Variants in ASTN2 observed in about 807,000 individuals in gnomAD.
ASTN2 encodes the protein astrotactin-2.
ASTN2 carries 54 observed loss-of-function variants against 139.8 expected under a neutral mutation model. The observed-to-expected ratio is 0.39, with a 90% confidence interval of 0.31 to 0.48. The LOEUF is 0.48. Ranked by LOEUF, ASTN2 falls within the 20% of genes least tolerant of loss-of-function variation. ASTN2 has a pLI of 0.95. For missense variants in ASTN2, 1,565 were observed against 1,725.1 expected (o/e 0.91, Z 1.64); for synonymous variants, 756 against 719.5 (o/e 1.05, Z -0.81).
At chr9:116,544,125 C>T (rs971548326) in intron 19 of ASTN2, among the ~76,000 whole-genome samples, 19 of 152,172 alleles carry the variant, frequency 1.2e-4, no homozygotes, top group African/African-American at 4.6e-4. Context: ...ACACTCAAAA[C>T]TCTCCAAGGG....
At chr9:116,823,618 C>T (rs1056688716) in intron 11 of ASTN2, among the ~76,000 whole-genome samples, 1 of 152,240 alleles carries the variant, frequency 6.6e-6, no homozygotes, top group African/African-American at 2.4e-5. Flanking sequence ...TTGGTGTTCT[C>T]TGTCCACTAC....
intron 2 of ASTN2, among the ~76,000 whole-genome samples, chr9:117,265,671 C>T (rs1833924437): frequency 1.3e-5 from 2 of 152,206 alleles, no homozygotes; most frequent in African/African-American, 4.8e-5. Flanking sequence ...GAAATAATTA[C>T]AGCTACTAGC....
intron 3 of ASTN2, among the ~76,000 whole-genome samples, chr9:117,146,972 C>A (rs1435262546): frequency 6.6e-6 from 1 of 152,114 alleles, no homozygotes; most frequent in Non-Finnish European, 1.5e-5. Flanking sequence ...CTAATTTGAT[C>A]ATTGCACATT....
intron 3 of ASTN2, among the ~76,000 whole-genome samples, chr9:117,203,550 T>G (rs1305141470): frequency 6.6e-6 from 1 of 152,130 alleles, no homozygotes; most frequent in Non-Finnish European, 1.5e-5. Flanking sequence ...TTGTTGTTGT[T>G]GTGGATGATG....
chr9:117,354,769 C>T (rs1452030342), intron 1 of ASTN2, among the ~76,000 whole-genome samples: 2 of 152,130 alleles, frequency 1.3e-5, no homozygotes, highest in African/African-American at 4.8e-5. Context: ...ATAGTCTTCC[C>T]AACATCTCTT....
chr9:117,123,124 G>T (rs887220180), intron 4 of ASTN2, among the ~76,000 whole-genome samples: 1 of 152,042 alleles, frequency 6.6e-6, no homozygotes, highest in South Asian at 2.1e-4. Context: ...TTAAAACACA[G>T]ATCATCAGGC....
intron 1 of ASTN2, among the ~76,000 whole-genome samples, chr9:117,380,513 G>T (rs540443552): frequency 1.7e-4 from 25 of 151,426 alleles, no homozygotes; most frequent in African/African-American, 5.3e-4. Flanking sequence ...GCTGAGGCAG[G>T]AGAATCACTT....
intron 10 of ASTN2, among the ~76,000 whole-genome samples, chr9:116,948,180 C>G (rs1229548530): frequency 1.3e-5 from 2 of 152,156 alleles, no homozygotes; most frequent in African/African-American, 4.8e-5. Flanking sequence ...AAGATGTTGT[C>G]TGCCAGTCTT....
chr9:116,633,278 C>A lies in ASTN2; in HGVS notation c.3073-12835G>T, dbSNP rs969945763. Among the ~76,000 whole-genome samples, 11 of 152,206 alleles carry A rather than the reference C, an allele frequency of 7.2e-5. No individual in the cohort carries two copies. In the East Asian group the frequency reaches 2.1e-3, roughly 29 times the overall value. On this transcript the variant is annotated intron_variant, in intron 17 of 22. Coordinates refer to ENST00000313400, the MANE Select transcript of ASTN2 (RefSeq NM_001365068.1). ...CTTCCCAAGGCATCTTGCTCTGTGACCTTGAATTGTCAAGGGTTTGTTAAT... is the reference window on the plus strand; with the variant it reads ...CTTCCCAAGGCATCTTGCTCTGTGAACTTGAATTGTCAAGGGTTTGTTAAT...
At chr9:117,095,959 A>T in intron 5 of ASTN2, 85 bp downstream of exon 5, 1 of 1,272,574 alleles carries the variant, frequency 7.9e-7, no homozygotes, top group South Asian at 1.3e-5. Context: ...GAGAAGATTT[A>T]GGATTTGCTA....
rs140059042 is a variant in ASTN2, at chr9:116,698,940, C to A, written c.2806+26831G>T. 1 of 1,614,168 alleles carries A rather than the reference C, an allele frequency of 6.2e-7. No homozygotes were observed. Among genetic ancestry groups the A allele is most frequent in the Admixed American group, 1.7e-5 (1 of 60,030 alleles). ...TAACTATCGTATACAAGTCTTTACC[C>A]GCAAAGGCTTTTTGAAGGAAATCCG... On this transcript the variant is annotated intron_variant, in intron 16 of 22. Transcript: ENST00000313400. This position sits in a 1 kb window ranked among gnomAD's most constrained non-coding sequence, Gnocchi z 4.4.
intron 19 of ASTN2, among the ~76,000 whole-genome samples, chr9:116,538,214 G>A (rs534832318): frequency 2.1e-4 from 32 of 151,796 alleles, no homozygotes; most frequent in South Asian, 6.3e-4. Flanking sequence ...AAGGGAAAGA[G>A]GGAAGAAGGG....
intron 16 of ASTN2, among the ~76,000 whole-genome samples, chr9:116,722,038 C>A (rs1828486197): frequency 6.6e-6 from 1 of 152,140 alleles, no homozygotes; most frequent in Admixed American, 6.5e-5. Flanking sequence ...TCAGAATTGG[C>A]ACATGAAAGC....
At chr9:116,795,902 G>A (rs1016549821) in intron 13 of ASTN2, among the ~76,000 whole-genome samples, 2 of 152,188 alleles carry the variant, frequency 1.3e-5, no homozygotes, top group Non-Finnish European at 2.9e-5. Context: ...TGAGATTACT[G>A]AAGTTAAGAA....
chr9:116,848,655 T>A (rs1385541804), intron 11 of ASTN2, among the ~76,000 whole-genome samples: 2 of 152,168 alleles, frequency 1.3e-5, no homozygotes, highest in Non-Finnish European at 2.9e-5. Flanking sequence ...TAGTGTGACA[T>A]AGGAAAAACA....
At chr9:117,253,351 T>G (rs1367999168) in intron 2 of ASTN2, among the ~76,000 whole-genome samples, 2 of 152,160 alleles carry the variant, frequency 1.3e-5, no homozygotes, top group Non-Finnish European at 2.9e-5. Flanking sequence ...AGAATAGCAA[T>G]GCCCTCTGGA....
chr9:116,769,685 A>G (rs1420297842), intron 13 of ASTN2, among the ~76,000 whole-genome samples: 2 of 152,222 alleles, frequency 1.3e-5, no homozygotes, highest in Non-Finnish European at 1.5e-5. Flanking sequence ...TATGTGGCAC[A>G]AAAGAAGAAA....
chr9:116,883,002 A>C (rs1479760944), intron 10 of ASTN2, among the ~76,000 whole-genome samples: 1 of 152,186 alleles, frequency 6.6e-6, no homozygotes, highest in African/African-American at 2.4e-5. Context: ...CAAAACTCGA[A>C]GTGTTCGTAC....
intron 2 of ASTN2, among the ~76,000 whole-genome samples, chr9:117,236,604 A>G (rs1028947670): frequency 1.3e-5 from 2 of 152,166 alleles, no homozygotes; most frequent in African/African-American, 4.8e-5. Context: ...CGCCTGAAAT[A>G]GTGTCAGTCT....
Sources: gnomAD v4.1 joint callset for allele counts (sites outside exome capture counted in the v4.1 genomes callset) on GRCh38, gnomAD v4.1.1 for gene constraint, Gnocchi (gnomAD v3.1) non-coding constraint, MANE v1.5 for transcripts, NCBI Gene and HGNC (gene_info 2026-07-23, HGNC 2026-07-21) for gene names.